AHCYL2: variants seen among roughly 807,000 people sequenced by gnomAD.
The protein encoded by AHCYL2 is adenosylhomocysteinase like 2.
Under a neutral mutation model 81.4 loss-of-function variants are expected in AHCYL2, and 28 were observed. The ratio of observed to expected loss-of-function variants is 0.34; its 90% CI spans 0.25 to 0.47. AHCYL2 has a LOEUF of 0.47. Among genes scored for constraint, AHCYL2 ranks in the 20% least tolerant of loss-of-function variants. The pLI is 1.00. For synonymous variants in AHCYL2, 272 were observed against 290.2 expected, an observed-to-expected ratio of 0.94 and a Z score of 0.64; for missense variants, 551 against 785.1, an observed-to-expected ratio of 0.70 and a Z score of 3.56.
chr7:129,298,398 G>A (rs12668958), intron 1 of AHCYL2, among the ~76,000 whole-genome samples: 39,625 of 152,062 alleles, frequency 0.26, 6,537 homozygotes, highest in East Asian at 0.64. Context: ...TTAAATTTCC[G>A]TTACAACTGG....
chr7:129,354,229 A>T (rs1793662847), intron 1 of AHCYL2, among the ~76,000 whole-genome samples: 1 of 152,224 alleles, frequency 6.6e-6, no homozygotes, highest in African/African-American at 2.4e-5. Flanking sequence ...ATAGATTTTG[A>T]TGGGAAGAGA....
At chr7:129,365,628 G>GTATATATATATATATATA (rs10526470) in intron 1 of AHCYL2, among the ~76,000 whole-genome samples, 12,812 of 123,244 alleles carry the variant, frequency 0.1, 1,109 homozygotes, top group Non-Finnish European at 0.11. Flanking sequence ...GGAGGATAGA[G>GTATATATATATATATATA]TATATATATA....
At chr7:129,253,286 A>T (rs960072605) in intron 1 of AHCYL2, among the ~76,000 whole-genome samples, 1 of 152,110 alleles carries the variant, frequency 6.6e-6, no homozygotes, top group African/African-American at 2.4e-5. Flanking sequence ...CAATCTTGAG[A>T]AGAAGAAGGG....
At chr7:129,358,363 G>C (rs1222666338) in intron 1 of AHCYL2, among the ~76,000 whole-genome samples, 1 of 151,892 alleles carries the variant, frequency 6.6e-6, no homozygotes, top group African/African-American at 2.4e-5. Context: ...CTGCACTCCA[G>C]CCTGGGAGAC....
At position 129,348,594 on chromosome 7, in the gene AHCYL2, C is replaced by A. The variant is rs565753659; in HGVS notation, c.364-31044C>A. ...AGAAATAAAATTCAGATTTTAGAAA[C>A]CTATCTTATGGGATTATCATGAGGA... On this transcript the variant is annotated intron_variant, in intron 1 of 16. Transcript: ENST00000325006. Among the ~76,000 whole-genome samples the A allele has an allele frequency of 2.6e-5, 4 of 152,102 alleles. No individual in the cohort carries two copies. In the South Asian group the frequency reaches 6.2e-4, roughly 24 times the overall value.
intron 1 of AHCYL2, among the ~76,000 whole-genome samples, chr7:129,244,966 G>A (rs28399138): frequency 0.94 from 142,446 of 151,702 alleles, 67,507 homozygotes; most frequent in East Asian, 1. Flanking sequence ...TAAAATTTGC[G>A]TAGTGTAAAA....
chr7:129,374,655 A>G (rs1369663934), intron 1 of AHCYL2, among the ~76,000 whole-genome samples: 1 of 152,006 alleles, frequency 6.6e-6, no homozygotes, highest in African/African-American at 2.4e-5. Flanking sequence ...AAAAATACAA[A>G]AAATTAGCCC....
At chr7:129,389,576 T>C in intron 3 of AHCYL2, 58 bp from the exon 4 acceptor site, 1 of 1,399,184 alleles carries the variant, frequency 7.1e-7, no homozygotes, top group African/African-American at 1.4e-5. Flanking sequence ...TTTCTGTTTG[T>C]TCTTTTATCT....
intron 1 of AHCYL2, among the ~76,000 whole-genome samples, chr7:129,317,776 A>G (rs1046625587): frequency 6.6e-6 from 1 of 152,170 alleles, no homozygotes; most frequent in Non-Finnish European, 1.5e-5. Flanking sequence ...TTCCCTAGCA[A>G]GCTTATTTAT....
chr7:129,405,480 T>G, intron 8 of AHCYL2: 1 of 352,142 alleles, frequency 2.8e-6, no homozygotes, highest in Non-Finnish European at 5.0e-6. Context: ...TATCTACATC[T>G]TCTTCCTTTC....
At chr7:129,420,372 C>T (rs1368063926) in intron 12 of AHCYL2, among the ~76,000 whole-genome samples, 1 of 151,972 alleles carries the variant, frequency 6.6e-6, no homozygotes, top group Non-Finnish European at 1.5e-5. Flanking sequence ...AAGAGTATCT[C>T]TTGACTCTTT....
At chr7:129,277,568 C>T (rs764432876) in intron 1 of AHCYL2, among the ~76,000 whole-genome samples, 2 of 152,204 alleles carry the variant, frequency 1.3e-5, no homozygotes, top group Non-Finnish European at 2.9e-5. Flanking sequence ...GCGTGAGCCA[C>T]TGCGCCTGGC....
At chr7:129,380,674 A>G (rs1254023842) in intron 2 of AHCYL2, among the ~76,000 whole-genome samples, 2 of 152,134 alleles carry the variant, frequency 1.3e-5, no homozygotes, top group Non-Finnish European at 2.9e-5. Context: ...GAATGATGTA[A>G]AGCATATGAT....
intron 11 of AHCYL2, 71 bp downstream of exon 11, chr7:129,409,617 A>T: frequency 7.5e-7 from 1 of 1,328,434 alleles, no homozygotes; most frequent in Non-Finnish European, 1.1e-6. Flanking sequence ...AGATGATTGG[A>T]AATATTCTGA....
intron 1 of AHCYL2, among the ~76,000 whole-genome samples, chr7:129,337,225 A>G (rs1345038937): frequency 2.0e-5 from 3 of 151,892 alleles, no homozygotes; most frequent in African/African-American, 7.3e-5. Context: ...ATTTCCAGAG[A>G]TTCTATGCAT....
chr7:129,313,833 C>T (rs1340548541), intron 1 of AHCYL2, among the ~76,000 whole-genome samples: 2 of 152,088 alleles, frequency 1.3e-5, no homozygotes, highest in East Asian at 3.8e-4. Flanking sequence ...AGTTGAGATG[C>T]CAGTTTAATT....
intron 1 of AHCYL2, among the ~76,000 whole-genome samples, chr7:129,259,070 T>C (rs1215490031): frequency 6.6e-6 from 1 of 152,222 alleles, no homozygotes; most frequent in Non-Finnish European, 1.5e-5. Context: ...AAATAGGAAA[T>C]GAATCTCTGG....
At chr7:129,402,731 C>CA (rs1262630377) in intron 6 of AHCYL2, among the ~76,000 whole-genome samples, 1 of 152,194 alleles carries the variant, frequency 6.6e-6, no homozygotes, top group East Asian at 1.9e-4. Flanking sequence ...TGCACACCTA[C>CA]ATGCTGCACG....
At chr7:129,411,576 A>G (rs1796577406) in intron 11 of AHCYL2, among the ~76,000 whole-genome samples, 1 of 152,130 alleles carries the variant, frequency 6.6e-6, no homozygotes, top group Non-Finnish European at 1.5e-5. Context: ...CCTGGCCAAC[A>G]TGGTGAAACC....
Sources: gnomAD v4.1 joint callset for allele counts (sites outside exome capture counted in the v4.1 genomes callset) on GRCh38, gnomAD v4.1.1 for gene constraint, MANE v1.5 for transcripts, NCBI Gene and HGNC (gene_info 2026-07-23, HGNC 2026-07-21) for gene names.